RORA: variants seen among roughly 807,000 people sequenced by gnomAD.
The protein encoded by RORA is nuclear receptor ROR-alpha.
Under a neutral mutation model 69.5 loss-of-function variants are expected in RORA, and 7 were observed. That is an observed-to-expected ratio of 0.10 (90% CI 0.06 to 0.19). RORA has a LOEUF of 0.19. Ranked by LOEUF, RORA falls within the 10% of genes least tolerant of loss-of-function variation. The probability of loss-of-function intolerance (pLI) is 1.00; values close to 1 mark genes in which losing one functional copy is unlikely to be tolerated. For synonymous variants in RORA, 261 were observed against 240.8 expected (o/e 1.08, Z -0.78); for missense variants, 457 against 663.0 (o/e 0.69, Z 3.41).
intron 1 of RORA, among the ~76,000 whole-genome samples, chr15:61,224,886 C>T (rs186496894): frequency 1.3e-5 from 2 of 152,232 alleles, no homozygotes; most frequent in East Asian, 1.9e-4. Flanking sequence ...AGGGTCTCAT[C>T]GTTAGGGGCT....
At chr15:60,746,593 A>G (rs1162128388) in intron 1 of RORA, among the ~76,000 whole-genome samples, 1 of 152,182 alleles carries the variant, frequency 6.6e-6, no homozygotes, top group Admixed American at 6.5e-5. Flanking sequence ...AGAAAACTGA[A>G]ACCTTTGAAA....
chr15:60,610,188 G>A (rs1430219580), intron 2 of RORA, among the ~76,000 whole-genome samples: 1 of 113,604 alleles, frequency 8.8e-6, no homozygotes, highest in African/African-American at 3.6e-5. Flanking sequence ...ATTCTAAAGT[G>A]TCGTGTAAGT....
intron 2 of RORA, among the ~76,000 whole-genome samples, chr15:60,545,849 C>T (rs560674575): frequency 3.3e-5 from 5 of 152,288 alleles, no homozygotes; most frequent in Admixed American, 6.5e-5. Context: ...AACAAAATGT[C>T]CTCAGTGGGG....
At chr15:60,801,022 A>G (rs1265737030) in intron 1 of RORA, among the ~76,000 whole-genome samples, 1 of 152,258 alleles carries the variant, frequency 6.6e-6, no homozygotes, top group East Asian at 1.9e-4. Context: ...CTGAAAAACT[A>G]GACGTGAAGG....
rs983527043 is a variant in RORA at position 60,627,119 on chromosome 15, C to T, written c.196+51538G>A. The T allele has an allele frequency of 1.0e-5, 9 of 869,080 alleles. No individual in the cohort carries two copies. The South Asian group carries it at 1.2e-4, about 11-fold the overall frequency. The allele number at this position is 869,080 out of a possible 1,614,324, so 53.8% of individuals were successfully genotyped here. On this transcript the variant is annotated intron_variant, in intron 2 of 10. Coordinates refer to ENST00000335670, the MANE Select transcript of RORA (RefSeq NM_134261.3). ...ACAGTCCTCATGGGCTTCATCTTTT[C>T]CTTCACTCGTCAGATATTCTTGGAG... is the stretch of plus-strand genomic sequence containing the variant.
chr15:61,185,888 C>T (rs1596056570), intron 1 of RORA, among the ~76,000 whole-genome samples: 1 of 152,200 alleles, frequency 6.6e-6, no homozygotes, highest in South Asian at 2.1e-4. Context: ...CCGAGACCTG[C>T]ATTGCTGCCA....
At chr15:61,193,146 T>C (rs962359722) in intron 1 of RORA, among the ~76,000 whole-genome samples, 2 of 152,306 alleles carry the variant, frequency 1.3e-5, no homozygotes, top group African/African-American at 4.8e-5. Flanking sequence ...CCCGAACACA[T>C]GATGCCAATT....
chr15:60,917,772 G>A (rs16943318), intron 1 of RORA, among the ~76,000 whole-genome samples: 41,294 of 152,118 alleles, frequency 0.27, 6,223 homozygotes, highest in African/African-American at 0.39. Context: ...TTTCCCTCAC[G>A]CATCTGAAGC....
At chr15:61,053,877 G>A (rs1306559794) in intron 1 of RORA, among the ~76,000 whole-genome samples, 2 of 49,820 alleles carry the variant, frequency 4.0e-5, no homozygotes, top group Non-Finnish European at 8.0e-5. Flanking sequence ...ATTCTTCAGG[G>A]AGGGTTTCCT....
chr15:60,646,295 G>T (rs1319443727), intron 2 of RORA, among the ~76,000 whole-genome samples: 2 of 152,124 alleles, frequency 1.3e-5, no homozygotes, highest in African/African-American at 4.8e-5. Context: ...CATCTTTTCA[G>T]ATTCTATTTA....
intron 4 of RORA, among the ~76,000 whole-genome samples, chr15:60,512,398 C>A (rs566797612): frequency 6.6e-6 from 1 of 152,140 alleles, no homozygotes; most frequent in Non-Finnish European, 1.5e-5. Flanking sequence ...GCGATCCTCC[C>A]GCCTTGGCCT....
intron 1 of RORA, among the ~76,000 whole-genome samples, chr15:61,103,340 T>C (rs932642076): frequency 6.6e-6 from 1 of 152,202 alleles, no homozygotes; most frequent in Non-Finnish European, 1.5e-5. Context: ...GTTAACTGGA[T>C]AAATTTAGGG....
At chr15:60,790,687 A>G (rs974068364) in intron 1 of RORA, among the ~76,000 whole-genome samples, 3 of 152,208 alleles carry the variant, frequency 2.0e-5, no homozygotes, top group African/African-American at 7.2e-5. Flanking sequence ...ACCTTCTCCT[A>G]CCACAGGGGC....
intron 2 of RORA, among the ~76,000 whole-genome samples, chr15:60,597,549 A>ACACACACAAC (rs1335197252): frequency 2.7e-5 from 1 of 37,560 alleles, no homozygotes; most frequent in Non-Finnish European, 4.7e-5. Flanking sequence ...ACACACACAC[A>ACACACACAAC]ACATATATAT....
At chr15:60,528,181 G>C (rs1429289205) in intron 3 of RORA, 1 of 152,210 alleles carries the variant, frequency 6.6e-6, no homozygotes, top group Non-Finnish European at 1.5e-5. Context: ...TCAGCCTTCC[G>C]AGTAGTTGGG....
intron 1 of RORA, among the ~76,000 whole-genome samples, chr15:60,884,288 A>G (rs991363719): frequency 1.3e-5 from 2 of 152,076 alleles, no homozygotes; most frequent in Non-Finnish European, 2.9e-5. Flanking sequence ...AAAAAGACCA[A>G]TGTTAACCCA....
At chr15:60,726,178 C>T (rs1441115205) in intron 1 of RORA, among the ~76,000 whole-genome samples, 1 of 152,142 alleles carries the variant, frequency 6.6e-6, no homozygotes, top group African/African-American at 2.4e-5. Context: ...CAAAATGATA[C>T]TCTTTCCCCT....
chr15:61,059,027 CTTAA>C (rs149031769), intron 1 of RORA, among the ~76,000 whole-genome samples: 1,972 of 152,264 alleles, frequency 0.013, 38 homozygotes, highest in South Asian at 0.057. Flanking sequence ...TGATTTCTTC[CTTAA>C]TTACTAACTA....
Position 61,014,305 on chromosome 15 carries a change from T to C in RORA, c.166+214748A>G, listed in dbSNP as rs59103728. Among the ~76,000 whole-genome samples the C allele has an allele frequency of 4.0e-3, 608 of 152,370 alleles. 6 individuals carry two copies. Among genetic ancestry groups the C allele is most frequent in the African/African-American group, 0.014 (575 of 41,590 alleles). On this transcript the variant is annotated intron_variant, in intron 1 of 10. Transcript: ENST00000335670. ...GTGTATTTGTAAGCAAGCTGACTTA[T>C]GCAAAATGCCTGGCACATAGTAGGT...
Sources: gnomAD v4.1 joint callset for allele counts (sites outside exome capture counted in the v4.1 genomes callset) on GRCh38, gnomAD v4.1.1 for gene constraint, MANE v1.5 for transcripts, NCBI Gene and HGNC (gene_info 2026-07-23, HGNC 2026-07-21) for gene names.